The following CAMTA1 variants were observed in gnomAD, a reference collection of about 807,000 sequenced individuals.
CAMTA1 encodes the protein calmodulin binding transcription activator 1, also known as calmodulin-binding transcription activator 1.
In CAMTA1, 27 loss-of-function variants were observed where a neutral mutation model predicts 170.9. The ratio of observed to expected loss-of-function variants is 0.16; its 90% CI spans 0.12 to 0.22. The LOEUF (loss-of-function observed/expected upper bound fraction) is 0.22. Ranked by LOEUF, CAMTA1 falls within the 10% of genes least tolerant of loss-of-function variation. The pLI is 1.00. For synonymous variants in CAMTA1, 833 were observed against 891.5 expected (o/e 0.93, Z 1.17); for missense variants, 1,619 against 2,217.2 (o/e 0.73, Z 5.42).
At chr1:7,357,178 G>A (rs1419599192) in intron 5 of CAMTA1, among the ~76,000 whole-genome samples, 1 of 152,194 alleles carries the variant, frequency 6.6e-6, no homozygotes, top group African/African-American at 2.4e-5. Context: ...CCAGTCTCCT[G>A]GAGCATCCTA....
At chr1:6,929,642 C>T (rs1414235309) in intron 3 of CAMTA1, among the ~76,000 whole-genome samples, 8 of 152,176 alleles carry the variant, frequency 5.3e-5, no homozygotes, top group Non-Finnish European at 7.4e-5. Flanking sequence ...GGATTACAGG[C>T]GTGAGCCACC....
At chr1:7,535,853 G>C (rs1016028369) in intron 6 of CAMTA1, among the ~76,000 whole-genome samples, 1 of 152,194 alleles carries the variant, frequency 6.6e-6, no homozygotes, top group African/African-American at 2.4e-5. Context: ...AGGAACCTGG[G>C]GCGCTGCCAC....
At chr1:7,347,082 G>C (rs1172488330) in intron 5 of CAMTA1, among the ~76,000 whole-genome samples, 5 of 152,226 alleles carry the variant, frequency 3.3e-5, no homozygotes, top group Non-Finnish European at 7.4e-5. Flanking sequence ...AGATGGTGAA[G>C]AGATTCTGAG....
chr1:7,193,960 C>T (rs941678691), intron 4 of CAMTA1, among the ~76,000 whole-genome samples: 9 of 152,144 alleles, frequency 5.9e-5, no homozygotes, highest in Non-Finnish European at 1.2e-4. Flanking sequence ...CAGTGGTAAC[C>T]TATATTTTAT....
At chr1:7,531,480 G>C (rs1361897172) in intron 6 of CAMTA1, among the ~76,000 whole-genome samples, 1 of 152,200 alleles carries the variant, frequency 6.6e-6, no homozygotes, top group Admixed American at 6.5e-5. Flanking sequence ...AACCTGCAGA[G>C]GGGACTCCTG....
At chr1:6,808,019 C>T (rs182478836) in intron 1 of CAMTA1, among the ~76,000 whole-genome samples, 44 of 151,526 alleles carry the variant, frequency 2.9e-4, no homozygotes, top group African/African-American at 9.7e-4. Flanking sequence ...AAATCATTGA[C>T]GGGCAAACAT....
At chr1:7,177,043 C>T (rs1435694310) in intron 4 of CAMTA1, among the ~76,000 whole-genome samples, 1 of 152,032 alleles carries the variant, frequency 6.6e-6, no homozygotes, top group African/African-American at 2.4e-5. Flanking sequence ...CATGCCCCCT[C>T]CCCTCACAAG....
intron 3 of CAMTA1, among the ~76,000 whole-genome samples, chr1:6,993,544 G>A (rs1696719186): frequency 6.6e-6 from 1 of 151,840 alleles, no homozygotes; most frequent in African/African-American, 2.4e-5. Context: ...GTCTTTTGAG[G>A]CTCTGTTATT....
At chr1:7,053,859 T>A (rs11120825) in intron 3 of CAMTA1, among the ~76,000 whole-genome samples, 16,413 of 152,266 alleles carry the variant, frequency 0.11, 1,183 homozygotes, top group East Asian at 0.26. Flanking sequence ...AGTGAATGAA[T>A]GCTGCGTGGA....
chr1:7,687,866 C>T (rs1002031586), intron 11 of CAMTA1, among the ~76,000 whole-genome samples: 4 of 152,168 alleles, frequency 2.6e-5, no homozygotes, highest in Non-Finnish European at 4.4e-5. Context: ...TGGTATCAGA[C>T]CTGGTGGAGA....
intron 4 of CAMTA1, among the ~76,000 whole-genome samples, chr1:7,205,032 T>G (rs148993998): frequency 6.6e-6 from 1 of 151,632 alleles, no homozygotes; most frequent in Non-Finnish European, 1.5e-5. Flanking sequence ...GGTTTCACCA[T>G]GTTAGCCAGG....
intron 6 of CAMTA1, among the ~76,000 whole-genome samples, chr1:7,500,745 T>A (rs115201535): frequency 0.01 from 1,555 of 152,142 alleles, 28 homozygotes; most frequent in African/African-American, 0.035. Context: ...GGGCCGGTGT[T>A]CCCTTGCCTC....
At chr1:7,694,029 G>A (rs2096347988) in intron 11 of CAMTA1, 2 of 152,236 alleles carry the variant, frequency 1.3e-5, no homozygotes, top group Admixed American at 6.5e-5. Flanking sequence ...GATATTCCAA[G>A]GGCTTAGAGT....
At chr1:7,652,557 C>T (rs1044775474) in intron 7 of CAMTA1, among the ~76,000 whole-genome samples, 7 of 152,130 alleles carry the variant, frequency 4.6e-5, no homozygotes, top group South Asian at 2.1e-4. Context: ...CCAGCATCTG[C>T]GAAGTCAGGG....
At chr1:7,576,411 A>G (rs1306521018) in intron 6 of CAMTA1, among the ~76,000 whole-genome samples, 2 of 152,066 alleles carry the variant, frequency 1.3e-5, no homozygotes, top group East Asian at 3.9e-4. Context: ...GGAAGTGGGG[A>G]TTTGGAGCGT....
intron 5 of CAMTA1, among the ~76,000 whole-genome samples, chr1:7,272,248 A>G (rs540270456): frequency 6.6e-6 from 1 of 152,298 alleles, no homozygotes; most frequent in South Asian, 2.1e-4. Context: ...GAAGTTAAAG[A>G]AGATCTAAAT....
At chr1:6,824,780 T>C (rs1646921770) in intron 2 of CAMTA1, among the ~76,000 whole-genome samples, 1 of 152,180 alleles carries the variant, frequency 6.6e-6, no homozygotes, top group African/African-American at 2.4e-5. Context: ...TTTTATGTGC[T>C]TCATCAAAAC....
intron 6 of CAMTA1, among the ~76,000 whole-genome samples, chr1:7,492,678 C>CACACAT (rs2093728895): frequency 9.0e-6 from 1 of 111,394 alleles, no homozygotes; most frequent in African/African-American, 3.9e-5. Flanking sequence ...AACACACACA[C>CACACAT]ACAAACACAA....
chr1:7,071,342 G>T (rs1230632926), intron 3 of CAMTA1, among the ~76,000 whole-genome samples: 1 of 152,110 alleles, frequency 6.6e-6, no homozygotes, highest in Non-Finnish European at 1.5e-5. Flanking sequence ...ATTTTTTTTG[G>T]TACAGACATT....
Sources: allele counts gnomAD v4.1 joint callset (sites outside exome capture counted in the v4.1 genomes callset), GRCh38; gene constraint gnomAD v4.1.1; transcripts MANE v1.5; gene names NCBI Gene and HGNC (gene_info 2026-07-23, HGNC 2026-07-21).